CREB5: variants seen among roughly 807,000 people sequenced by gnomAD.
CREB5 encodes cAMP responsive element binding protein 5, also known as cyclic AMP-responsive element-binding protein 5.
Under a neutral mutation model 57.1 loss-of-function variants are expected in CREB5, and 19 were observed. The observed-to-expected ratio is 0.33, with a 90% CI of 0.23 to 0.49. The LOEUF (loss-of-function observed/expected upper bound fraction) is 0.49. CREB5 is among the 20% of genes least tolerant of loss of function. The pLI, the probability that CREB5 is intolerant of heterozygous loss-of-function variation, is 0.99. For missense variants in CREB5, 579 were observed against 671.6 expected (o/e 0.86, Z 1.52); for synonymous variants, 238 against 238.3 (o/e 1.00, Z 0.01).
At chr7:28,694,963 G>A (rs996747464) in intron 5 of CREB5, among the ~76,000 whole-genome samples, 1 of 152,198 alleles carries the variant, frequency 6.6e-6, no homozygotes, top group Non-Finnish European at 1.5e-5. Flanking sequence ...GCTAACTCTT[G>A]TAATCACAGC....
chr7:28,605,086 A>G (rs1562523377), intron 5 of CREB5, among the ~76,000 whole-genome samples: 1 of 152,136 alleles, frequency 6.6e-6, no homozygotes, highest in Non-Finnish European at 1.5e-5. Context: ...ATTGAAGGAC[A>G]TGAAGGAACA....
At chr7:28,761,759 G>A (rs138175170) in intron 7 of CREB5, among the ~76,000 whole-genome samples, 183 of 151,372 alleles carry the variant, frequency 1.2e-3, no homozygotes, top group African/African-American at 4.2e-3. Flanking sequence ...TGTATCATTT[G>A]TTTTATGGAA....
At chr7:28,401,732 G>C (rs932006906) in intron 1 of CREB5, among the ~76,000 whole-genome samples, 3 of 152,174 alleles carry the variant, frequency 2.0e-5, no homozygotes, top group Non-Finnish European at 4.4e-5. Flanking sequence ...TTCCTACAAA[G>C]GACATGAACT....
chr7:28,660,520 A>C (rs1799568236), intron 5 of CREB5, among the ~76,000 whole-genome samples: 2 of 151,920 alleles, frequency 1.3e-5, no homozygotes, highest in Admixed American at 6.6e-5. Flanking sequence ...GGAGAAAAAT[A>C]ATCACTCAAA....
intron 7 of CREB5, among the ~76,000 whole-genome samples, chr7:28,800,172 C>T (rs1304029149): frequency 6.6e-6 from 1 of 152,150 alleles, no homozygotes; most frequent in Non-Finnish European, 1.5e-5. Flanking sequence ...TATGGTTCTA[C>T]TAGGACCATA....
chr7:28,424,163 T>C (rs1278590349), intron 1 of CREB5, among the ~76,000 whole-genome samples: 1 of 152,230 alleles, frequency 6.6e-6, no homozygotes, highest in African/African-American at 2.4e-5. Context: ...TCATATTACA[T>C]GAGAGCCCAC....
intron 7 of CREB5, among the ~76,000 whole-genome samples, chr7:28,735,907 C>T (rs929798769): frequency 6.6e-6 from 1 of 151,832 alleles, no homozygotes; most frequent in Non-Finnish European, 1.5e-5. Context: ...TGAGCTCAAG[C>T]GATTCTCCCA....
At chr7:28,347,340 C>G (rs149284159) in intron 1 of CREB5, among the ~76,000 whole-genome samples, 252 of 152,294 alleles carry the variant, frequency 1.7e-3, no homozygotes, top group African/African-American at 5.8e-3. Context: ...CCTGTCCCCT[C>G]TCTGCACAGC....
chr7:28,638,106 T>A (rs1798495677), intron 5 of CREB5, among the ~76,000 whole-genome samples: 1 of 152,138 alleles, frequency 6.6e-6, no homozygotes. Flanking sequence ...ATTTTTCCAA[T>A]GTTTATCAAA....
At chr7:28,353,378 G>A (rs73086412) in intron 1 of CREB5, among the ~76,000 whole-genome samples, 20,897 of 152,178 alleles carry the variant, frequency 0.14, 1,652 homozygotes, top group East Asian at 0.31. Flanking sequence ...GGTTCTAGGA[G>A]AATCTATGGG....
Position 28,564,594 on chromosome 7 carries a change from A to G in CREB5, c.292-5771A>G, listed in dbSNP as rs572951198. On this transcript the variant is annotated intron_variant, in intron 4 of 10. Coordinates refer to ENST00000357727, the MANE Select transcript of CREB5 (RefSeq NM_182898.4). ...ATTCACACCCTTTATGTCTCAGAAC[A>G]ATAATGAATGGAGAGCAAAGCATCC... 4.6e-5 allele frequency among the ~76,000 whole-genome samples: 7 copies of G among 152,318 alleles called. No homozygotes were observed. The East Asian group carries it at 1.4e-3, about 29-fold the overall frequency.
chr7:28,763,896 C>T (rs746248645), intron 7 of CREB5, among the ~76,000 whole-genome samples: 2 of 151,882 alleles, frequency 1.3e-5, no homozygotes, highest in Non-Finnish European at 2.9e-5. Flanking sequence ...AAACCCTGGA[C>T]TTGAATGATT....
chr7:28,551,220 A>T (rs764688089), intron 4 of CREB5, among the ~76,000 whole-genome samples: 1 of 152,178 alleles, frequency 6.6e-6, no homozygotes, highest in Admixed American at 6.5e-5. Context: ...ACATTGGATT[A>T]AACCCTATAG....
intron 5 of CREB5, among the ~76,000 whole-genome samples, chr7:28,677,951 G>A (rs1364085553): frequency 6.6e-6 from 1 of 152,138 alleles, no homozygotes; most frequent in African/African-American, 2.4e-5. Flanking sequence ...GGCCCAGACA[G>A]TGCATGAATC....
chr7:28,429,090 A>G (rs1383464229), intron 1 of CREB5, among the ~76,000 whole-genome samples: 1 of 152,066 alleles, frequency 6.6e-6, no homozygotes, highest in Non-Finnish European at 1.5e-5. Flanking sequence ...CAATGGCACA[A>G]CCTTGGCTCA....
chr7:28,355,897 C>T (rs1456410667), intron 1 of CREB5, among the ~76,000 whole-genome samples: 1 of 152,176 alleles, frequency 6.6e-6, no homozygotes, highest in Non-Finnish European at 1.5e-5. Flanking sequence ...TGCAATAACA[C>T]TTTTTAATGC....
intron 7 of CREB5, among the ~76,000 whole-genome samples, chr7:28,777,847 G>T (rs1391247210): frequency 6.6e-6 from 1 of 152,066 alleles, no homozygotes; most frequent in African/African-American, 2.4e-5. Context: ...AAAGAAAAAA[G>T]AAAATAAAAA....
At chr7:28,493,957 T>C (rs1229069112) in intron 2 of CREB5, among the ~76,000 whole-genome samples, 1 of 152,230 alleles carries the variant, frequency 6.6e-6, no homozygotes, top group Non-Finnish European at 1.5e-5. Context: ...GATTTCACAG[T>C]TACATTTGTA....
At chr7:28,313,395 T>A (rs1785316014) in intron 1 of CREB5, among the ~76,000 whole-genome samples, 1 of 152,202 alleles carries the variant, frequency 6.6e-6, no homozygotes, top group African/African-American at 2.4e-5. Flanking sequence ...GACAGTAGAG[T>A]TAAATTTTAT....
Sources: gnomAD v4.1 joint callset for allele counts (sites outside exome capture counted in the v4.1 genomes callset) on GRCh38, gnomAD v4.1.1 for gene constraint, MANE v1.5 for transcripts, NCBI Gene and HGNC (gene_info 2026-07-23, HGNC 2026-07-21) for gene names.